GRIK5: variants seen among roughly 807,000 people sequenced by gnomAD.
GRIK5 encodes the protein glutamate ionotropic receptor kainate type subunit 5.
GRIK5 carries 43 observed loss-of-function variants against 97.4 expected under a neutral mutation model. The ratio of observed to expected loss-of-function variants is 0.44; its 90% CI spans 0.35 to 0.57. The LOEUF (loss-of-function observed/expected upper bound fraction) is 0.57. Among genes scored for constraint, GRIK5 ranks in the 20% least tolerant of loss-of-function variants. GRIK5 has a pLI of 0.01. For missense variants in GRIK5, 1,015 were observed against 1,382.0 expected, an observed-to-expected ratio of 0.73 and a Z score of 4.21; for synonymous variants, 580 against 583.5, an observed-to-expected ratio of 0.99 and a Z score of 0.09.
chr19:42,000,476 G>A (rs918574740), intron 19 of GRIK5, among the ~76,000 whole-genome samples: 4 of 152,180 alleles, frequency 2.6e-5, no homozygotes, highest in Admixed American at 6.5e-5. Flanking sequence ...ATTTTGGCCC[G>A]AGCAACTGGA....
rs1393162883 is a variant in GRIK5 at position 42,042,825 on chromosome 19, C to T, written c.1270-70G>A. The T allele has an allele frequency of 6.6e-6, 8 of 1,212,432 alleles. No homozygotes were observed. Among genetic ancestry groups the T allele is most frequent in the African/African-American group, 4.5e-5 (3 of 67,204 alleles). The allele number at this position is 1,212,432 out of a possible 1,614,324, so 75.1% of individuals were successfully genotyped here. On this transcript the variant is annotated intron_variant, in intron 11 of 19. Coordinates refer to ENST00000593562, the MANE Select transcript of GRIK5 (RefSeq NM_002088.5). This position sits in a 1 kb window ranked among gnomAD's most constrained non-coding sequence, Gnocchi z 6.9. ...TGGCTGGGTTGCGGATCCTGGAGCCCGGACCAGGCAGGTAGAGCAGGAATC... is the reference window on the plus strand; with the variant it reads ...TGGCTGGGTTGCGGATCCTGGAGCCTGGACCAGGCAGGTAGAGCAGGAATC...
chr19:42,033,466 C>T (rs1052199079), intron 12 of GRIK5, among the ~76,000 whole-genome samples: 1 of 151,450 alleles, frequency 6.6e-6, no homozygotes, highest in African/African-American at 2.4e-5. Context: ...GAAATATTTG[C>T]AATAGGTAAA....
chr19:42,068,646 G>C, intron 1 of GRIK5: 2 of 429,646 alleles, frequency 4.7e-6, no homozygotes, highest in Non-Finnish European at 8.3e-6. Context: ...ACCTGCCGAG[G>C]GAGACTTGGA....
chr19:42,058,366 A>G (rs962751776), intron 6 of GRIK5, among the ~76,000 whole-genome samples: 2 of 151,124 alleles, frequency 1.3e-5, no homozygotes, highest in African/African-American at 4.9e-5. Flanking sequence ...TATTTTTAGT[A>G]GAAATGGGGT....
At chr19:42,010,560 C>T (rs2075549490) in intron 15 of GRIK5, among the ~76,000 whole-genome samples, 1 of 152,144 alleles carries the variant, frequency 6.6e-6, no homozygotes, top group African/African-American at 2.4e-5. Context: ...CCTAGAATTC[C>T]ACAGCAGGCA....
chr19:42,047,986 A>AG (rs1291741725), intron 11 of GRIK5, among the ~76,000 whole-genome samples: 10 of 151,644 alleles, frequency 6.6e-5, no homozygotes, highest in South Asian at 2.1e-4. Flanking sequence ...AAAAAAAAAA[A>AG]AAAAAAGAAA....
Position 42,004,263 on chromosome 19 carries a change from A to C in GRIK5, c.2264-580T>G, listed in dbSNP as rs374113455. 5.1e-3 allele frequency among the ~76,000 whole-genome samples: 781 copies of C among 152,178 alleles called. 4 individuals carry two copies. Among genetic ancestry groups the C allele is most frequent in the Non-Finnish European group, 8.0e-3 (545 of 68,022 alleles). ...ATCTTTCGTCTGCATCCAGTGCGGG[A>C]CTTGGCATGCAGTTGGACACCAGAC... On this transcript the variant is annotated intron_variant, in intron 17 of 19. Coordinates refer to ENST00000593562, the MANE Select transcript of GRIK5 (RefSeq NM_002088.5).
At chr19:42,029,527 G>C (rs769689030) in intron 12 of GRIK5, among the ~76,000 whole-genome samples, 1 of 151,958 alleles carries the variant, frequency 6.6e-6, no homozygotes, top group Admixed American at 6.6e-5. Flanking sequence ...GCAGTGAGCC[G>C]AGATCGCGCC....
chr19:42,065,215 C>CA lies in GRIK5; in HGVS notation c.244+7_244+8insT. The CA allele has an allele frequency of 6.2e-7, 1 of 1,604,486 alleles. No homozygotes were observed. The highest frequency in any genetic ancestry group is 8.5e-7 in the Non-Finnish European group (1 of 1,173,856). ...TGCCTCACCCCACGCCCCCATGGCCCCGCTCACTGGTGTCCGTGGTCTCGT... is the reference window on the plus strand; with the variant it reads ...TGCCTCACCCCACGCCCCCATGGCCCACGCTCACTGGTGTCCGTGGTCTCGT... On this transcript the variant is annotated splice_region_variant and intron_variant, in intron 3 of 19. Transcript: ENST00000593562. This position sits in a 1 kb window ranked among gnomAD's most constrained non-coding sequence, Gnocchi z 5.8.
In GRIK5 at chr19:41,999,708, T is replaced by C. The variant is rs2075409339; in HGVS notation, c.2515-409A>G. 6.6e-6 allele frequency among the ~76,000 whole-genome samples: 1 copy of C among 152,206 alleles called. No homozygotes were observed. Reference sequence around the variant, plus strand: ...GTGTGCCCGGCACTGTTCTGAGCACTGGGGATATGGCAGAGAAGGAAACAG... The same window carrying C: ...GTGTGCCCGGCACTGTTCTGAGCACCGGGGATATGGCAGAGAAGGAAACAG... On this transcript the variant is annotated intron_variant, in intron 19 of 19. Coordinates refer to ENST00000593562, the MANE Select transcript of GRIK5 (RefSeq NM_002088.5). The surrounding 1 kb of genome is among the most constrained non-coding windows in gnomAD (Gnocchi z 5.0).
Position 41,999,360 on chromosome 19 carries a change from C to T in GRIK5, c.2515-61G>A. ...GTCCGCCTCCCGCCTCCCCCAGCCCCTCTCCACATCCCACTCCTCCTCCTC... is the reference window on the plus strand; with the variant it reads ...GTCCGCCTCCCGCCTCCCCCAGCCCTTCTCCACATCCCACTCCTCCTCCTC... On this transcript the variant is annotated intron_variant, in intron 19 of 19. Coordinates refer to ENST00000593562, the MANE Select transcript of GRIK5 (RefSeq NM_002088.5). This position sits in a 1 kb window ranked among gnomAD's most constrained non-coding sequence, Gnocchi z 5.0. 2.3e-6 allele frequency: 3 copies of T among 1,278,936 alleles called. No individual in the cohort carries two copies. Among genetic ancestry groups the T allele is most frequent in the Non-Finnish European group, 3.2e-6 (3 of 948,692 alleles). 79.2% of individuals were successfully genotyped at this position (1,278,936 alleles called of 1,614,324 possible). A position where few individuals can be genotyped will look rare whatever the true frequency, so the allele number is the denominator to read the frequency against.
Position 41,999,111 on chromosome 19 carries a change from G to C in GRIK5, c.2703C>G (p.Ser901Arg). Residue 901 changes from serine (S) to arginine (R), a missense_variant, in exon 20 of 20, where the codon AGC becomes AGG. By Grantham distance (110) the Ser-to-Arg change is moderately radical. Coordinates refer to ENST00000593562, the MANE Select transcript of GRIK5 (RefSeq NM_002088.5). The surrounding 1 kb of genome is among the most constrained non-coding windows in gnomAD (Gnocchi z 5.0). ...GGAGGCGCTGCGGGCCCCCGTGCGCGCTGCCCGCATCCCCGCCCGCGCCGG... is the reference window on the plus strand; with the variant it reads ...GGAGGCGCTGCGGGCCCCCGTGCGCCCTGCCCGCATCCCCGCCCGCGCCGG... ...YSAGAGGDAG[S>R]AHGGPQRLLD... is the part of the protein sequence containing the mutation. The C allele has an allele frequency of 7.2e-7, 1 of 1,388,132 alleles. No homozygotes were observed. The highest frequency in any genetic ancestry group is 9.3e-7 in the Non-Finnish European group (1 of 1,076,860). 86.0% of individuals were successfully genotyped at this position (1,388,132 alleles called of 1,614,324 possible). A position where few individuals can be genotyped will look rare whatever the true frequency, so the allele number is the denominator to read the frequency against.
intron 3 of GRIK5, among the ~76,000 whole-genome samples, chr19:42,063,704 G>T (rs1333798185): frequency 6.6e-6 from 1 of 152,112 alleles, no homozygotes; most frequent in Non-Finnish European, 1.5e-5. Flanking sequence ...AGGAAAGCAG[G>T]CCTCAGAGGT....
rs1019099022 is a variant in GRIK5, at chr19:42,003,977, G to T, written c.2264-294C>A. ...GACACCCTCACCCCCACGGCTCTCA[G>T]CTCCAGCCTCATCAGCCTCCTGGCT... On this transcript the variant is annotated intron_variant, in intron 17 of 19. Transcript: ENST00000593562. This position sits in a 1 kb window ranked among gnomAD's most constrained non-coding sequence, Gnocchi z 4.2. Among the ~76,000 whole-genome samples, 1 of 152,126 alleles carries T rather than the reference G, an allele frequency of 6.6e-6. No individual in the cohort carries two copies. Among genetic ancestry groups the T allele is most frequent in the African/African-American group, 2.4e-5 (1 of 41,428 alleles).
At position 42,003,737 on chromosome 19, in the gene GRIK5, G is replaced by C; in HGVS notation, c.2264-54C>G. 1.3e-6 allele frequency: 2 copies of C among 1,514,912 alleles called. No individual in the cohort carries two copies. The highest frequency in any genetic ancestry group is 1.8e-6 in the Non-Finnish European group (2 of 1,133,536). 93.8% of individuals were successfully genotyped at this position (1,514,912 alleles called of 1,614,324 possible). ...GCCATCGGGCCCTGCAGCCCTGACCGCCCCAAACCCCAAACTGTGCCCTCA... is the reference window on the plus strand; with the variant it reads ...GCCATCGGGCCCTGCAGCCCTGACCCCCCCAAACCCCAAACTGTGCCCTCA... On this transcript the variant is annotated intron_variant, in intron 17 of 19. Transcript: ENST00000593562. This position sits in a 1 kb window ranked among gnomAD's most constrained non-coding sequence, Gnocchi z 4.2.
chr19:41,999,292 A>G lies in GRIK5; in HGVS notation c.2522T>C (p.Val841Ala). The G allele has an allele frequency of 6.6e-7, 1 of 1,517,956 alleles. No homozygotes were observed. Among genetic ancestry groups the G allele is most frequent in the Non-Finnish European group, 8.8e-7 (1 of 1,139,816 alleles). 94.0% of individuals were successfully genotyped at this position (1,517,956 alleles called of 1,614,324 possible). The part of the protein sequence containing the change: ...RRSAESEEVS[V>A]CQEMLQELRH... ...CAGCTCCTGCAGCATCTCCTGGCAC[A>G]CCGACACCTGGGGGTGGCGCGGGCG... The change falls in exon 20 of 20, where the codon GTG (valine) becomes GCG (alanine). Residue 841 changes from valine to alanine, a missense_variant. Val to Ala is a moderately conservative substitution (Grantham distance 64, BLOSUM62 0). Transcript: ENST00000593562. This position sits in a 1 kb window ranked among gnomAD's most constrained non-coding sequence, Gnocchi z 5.0.
intron 9 of GRIK5, 119 bp from the exon 10 acceptor site, chr19:42,054,048 C>G: frequency 1.4e-6 from 1 of 704,582 alleles, no homozygotes; most frequent in Non-Finnish European, 2.5e-6. Flanking sequence ...GTGGAGGGGA[C>G]AAGAGAGAGA....
In GRIK5 at chr19:42,062,037, T is replaced by C. The variant is rs1043837818; in HGVS notation, c.508+451A>G. On this transcript the variant is annotated intron_variant, in intron 5 of 19. Coordinates refer to ENST00000593562, the MANE Select transcript of GRIK5 (RefSeq NM_002088.5). This position sits in a 1 kb window ranked among gnomAD's most constrained non-coding sequence, Gnocchi z 5.3. ...CTACTTAGAACCTGTTCCCTCTTTC[T>C]TCCCACACCCTTCAGGTTCAGCTTG... is the stretch of plus-strand genomic sequence containing the variant. 5.3e-5 allele frequency among the ~76,000 whole-genome samples: 8 copies of C among 152,208 alleles called. No individual in the cohort carries two copies. Among genetic ancestry groups the C allele is most frequent in the African/African-American group, 1.9e-4 (8 of 41,450 alleles).
chr19:42,014,266 C>A (rs752549321), intron 15 of GRIK5, among the ~76,000 whole-genome samples: 1 of 151,762 alleles, frequency 6.6e-6, no homozygotes, highest in African/African-American at 2.4e-5. Flanking sequence ...TGCTGGCGTG[C>A]GCTTGTAGTC....
Sources: gnomAD v4.1 joint callset for allele counts (sites outside exome capture counted in the v4.1 genomes callset) on GRCh38, gnomAD v4.1.1 for gene constraint, Gnocchi (gnomAD v3.1) non-coding constraint, MANE v1.5 for transcripts, NCBI Gene and HGNC (gene_info 2026-07-23, HGNC 2026-07-21) for gene names.